The following RAP1GDS1 variants were observed in gnomAD, a reference collection of about 807,000 sequenced individuals.
RAP1GDS1 encodes the protein RAP1, GTP-GDP dissociation stimulator 1.
Under a neutral mutation model 71.1 loss-of-function variants are expected in RAP1GDS1, and 35 were observed. That is an observed-to-expected ratio of 0.49 (90% confidence interval 0.38 to 0.65). RAP1GDS1 has a LOEUF of 0.65. Among genes scored for constraint, RAP1GDS1 ranks in the 30% least tolerant of loss-of-function variants. The pLI is 0.00. For synonymous variants in RAP1GDS1, 229 were observed against 243.1 expected, an observed-to-expected ratio of 0.94 and a Z score of 0.54; for missense variants, 663 against 706.1, an observed-to-expected ratio of 0.94 and a Z score of 0.69.
chr4:98,319,365 A>G (rs1731428032), intron 2 of RAP1GDS1, among the ~76,000 whole-genome samples: 2 of 152,026 alleles, frequency 1.3e-5, no homozygotes. Flanking sequence ...AAAGCAAGGA[A>G]TTTTCTCAAG....
In RAP1GDS1 at chr4:98,416,755, A is replaced by G. The variant is rs1748094174; in HGVS notation, c.774A>G (p.Lys258=). The change falls in exon 8 of 15, where the codon AAA becomes AAG. Residue 258 remains lysine (K), a synonymous_variant. Coordinates refer to ENST00000408927, the MANE Select transcript of RAP1GDS1 (RefSeq NM_001100427.2). ...CACGTTGTTCTTTAGATGCTATTAA[A>G]CTACAGCTGGTTGAAGCAGGCCTAG... is the stretch of plus-strand genomic sequence containing the variant. ...LAPLAENDAI[K]LQLVEAGLVE... The G allele has an allele frequency of 6.2e-7, 1 of 1,602,888 alleles. No homozygotes were observed.
In RAP1GDS1 at chr4:98,421,340, G is replaced by GA. The variant is rs1432543433; in HGVS notation, c.1387dup (p.Met463AsnfsTer16). 6.2e-7 allele frequency: 1 copy of GA among 1,610,982 alleles called. No individual in the cohort carries two copies. On this transcript the variant is annotated frameshift_variant, in exon 12 of 15. Transcript: ENST00000408927. LOFTEE classifies it high-confidence loss of function. ...GTGAAGCCAAAGATCATGCTGGTGT[G>GA]ATGGGGGAGTCAAACAGACTGCTGT...
intron 5 of RAP1GDS1, among the ~76,000 whole-genome samples, chr4:98,382,953 A>T (rs1578670949): frequency 6.6e-6 from 1 of 151,732 alleles, no homozygotes; most frequent in Non-Finnish European, 1.5e-5. Context: ...ATCTGTAATT[A>T]AAAATTTCCC....
chr4:98,352,414 G>T, intron 3 of RAP1GDS1, 62 bp from the exon 4 acceptor site: 1 of 1,548,512 alleles, frequency 6.5e-7, no homozygotes, highest in East Asian at 2.3e-5. Context: ...TTTATTAGGG[G>T]AGATGATTTA....
chr4:98,262,228 A>G (rs888774048), intron 1 of RAP1GDS1, among the ~76,000 whole-genome samples: 1 of 152,216 alleles, frequency 6.6e-6, no homozygotes, highest in Non-Finnish European at 1.5e-5. Flanking sequence ...ACAGTGTGCA[A>G]TATTCCCGTG....
chr4:98,320,096 C>T (rs1438808441), intron 2 of RAP1GDS1, among the ~76,000 whole-genome samples: 2 of 152,080 alleles, frequency 1.3e-5, no homozygotes, highest in African/African-American at 2.4e-5. Context: ...TACTTTACTG[C>T]AAGAATATAG....
chr4:98,281,305 TTC>T (rs1725057734), intron 1 of RAP1GDS1, among the ~76,000 whole-genome samples: 1 of 152,198 alleles, frequency 6.6e-6, no homozygotes, highest in South Asian at 2.1e-4. Context: ...CGGTTTGTAG[TTC>T]TCCTTGAAGA....
chr4:98,433,119 T>G (rs915300612), intron 12 of RAP1GDS1, among the ~76,000 whole-genome samples: 1 of 152,220 alleles, frequency 6.6e-6, no homozygotes, highest in Non-Finnish European at 1.5e-5. Flanking sequence ...CTAAGCACCA[T>G]GAGAAATGAG....
intron 1 of RAP1GDS1, among the ~76,000 whole-genome samples, chr4:98,268,657 C>T (rs1368398798): frequency 6.6e-6 from 1 of 151,898 alleles, no homozygotes; most frequent in Non-Finnish European, 1.5e-5. Context: ...AAATCAGAAG[C>T]ATTTCTATAC....
chr4:98,439,646 T>C (rs1012819058), intron 14 of RAP1GDS1, among the ~76,000 whole-genome samples: 7 of 152,172 alleles, frequency 4.6e-5, no homozygotes, highest in South Asian at 2.1e-4. Context: ...GTAATTTCTA[T>C]TGTTTTATCT....
chr4:98,292,569 GAAAA>G (rs537889890), intron 1 of RAP1GDS1, among the ~76,000 whole-genome samples: 1 of 131,588 alleles, frequency 7.6e-6, no homozygotes, highest in Non-Finnish European at 1.6e-5. Flanking sequence ...TATAATAAAA[GAAAA>G]AAAAAAAACA....
chr4:98,436,070 C>CA (rs201715514), intron 13 of RAP1GDS1, among the ~76,000 whole-genome samples: 31 of 142,340 alleles, frequency 2.2e-4, no homozygotes, highest in Middle Eastern at 3.6e-3. Flanking sequence ...GACGCTGTCT[C>CA]AAAAAAAAAA....
At chr4:98,399,895 C>T (rs993475783) in intron 6 of RAP1GDS1, among the ~76,000 whole-genome samples, 1 of 152,118 alleles carries the variant, frequency 6.6e-6, no homozygotes, top group African/African-American at 2.4e-5. Flanking sequence ...TGGCTCACAC[C>T]TGTAATCCCA....
At chr4:98,344,262 A>T (rs1193093257) in intron 3 of RAP1GDS1, among the ~76,000 whole-genome samples, 1 of 152,172 alleles carries the variant, frequency 6.6e-6, no homozygotes, top group Non-Finnish European at 1.5e-5. Flanking sequence ...GTCACATCTA[A>T]GAAGCAGATC....
intron 1 of RAP1GDS1, among the ~76,000 whole-genome samples, chr4:98,264,752 C>T (rs2110218604): frequency 6.6e-6 from 1 of 152,080 alleles, no homozygotes; most frequent in East Asian, 1.9e-4. Context: ...GTTATTTGAA[C>T]CAAAGGTGGG....
Position 98,430,512 on chromosome 4 carries a change from A to G in RAP1GDS1, c.1441-3424A>G, listed in dbSNP as rs1750248257. Reference sequence around the variant, plus strand: ...ATTATAATCCCAAGAAATCTTCTACAAAGAAAGAGTTGCATAGGTAGATTA... The same window carrying G: ...ATTATAATCCCAAGAAATCTTCTACGAAGAAAGAGTTGCATAGGTAGATTA... On this transcript the variant is annotated intron_variant, in intron 12 of 14. Coordinates refer to ENST00000408927, the MANE Select transcript of RAP1GDS1 (RefSeq NM_001100427.2). 1.3e-5 allele frequency among the ~76,000 whole-genome samples: 2 copies of G among 152,232 alleles called. 1 individual carries two copies. The highest frequency in any genetic ancestry group is 1.3e-4 in the Admixed American group (2 of 15,280).
intron 4 of RAP1GDS1, among the ~76,000 whole-genome samples, chr4:98,374,404 G>GT (rs1307976850): frequency 6.6e-6 from 1 of 151,984 alleles, no homozygotes; most frequent in African/African-American, 2.4e-5. Flanking sequence ...ATATTATTCA[G>GT]TTTTTCCACT....
intron 4 of RAP1GDS1, among the ~76,000 whole-genome samples, chr4:98,376,443 G>A (rs1232099659): frequency 2.0e-5 from 3 of 151,974 alleles, no homozygotes; most frequent in East Asian, 3.9e-4. Context: ...AATGATAGCT[G>A]TTGTATTTAA....
At chr4:98,263,536 ACT>A (rs1722315602) in intron 1 of RAP1GDS1, among the ~76,000 whole-genome samples, 1 of 152,196 alleles carries the variant, frequency 6.6e-6, no homozygotes, top group African/African-American at 2.4e-5. Context: ...CTTCATAAGC[ACT>A]GTTTGTACCT....
Sources: allele counts gnomAD v4.1 joint callset (sites outside exome capture counted in the v4.1 genomes callset), GRCh38; gene constraint gnomAD v4.1.1; transcripts MANE v1.5; gene names NCBI Gene and HGNC (gene_info 2026-07-23, HGNC 2026-07-21).